DDAH1: variants seen among roughly 807,000 people sequenced by gnomAD.
DDAH1 encodes the protein dimethylarginine dimethylaminohydrolase 1.
A neutral mutation model predicts 28.8 loss-of-function variants in DDAH1; 19 were observed. The observed-to-expected ratio is 0.66, with a 90% CI of 0.46 to 0.97. The LOEUF (loss-of-function observed/expected upper bound fraction) is 0.97, where lower values mean the gene tolerates loss of function less well. Among genes scored for constraint, DDAH1 ranks in the 50% least tolerant of loss-of-function variants. The pLI is 0.00. For missense variants in DDAH1, 326 were observed against 375.9 expected (o/e 0.87, Z 1.10); for synonymous variants, 153 against 154.4 (o/e 0.99, Z 0.07).
chr1:85,384,719 T>A (rs1253697207), intron 1 of DDAH1, among the ~76,000 whole-genome samples: 1 of 152,224 alleles, frequency 6.6e-6, no homozygotes, highest in East Asian at 1.9e-4. Context: ...TAATGTCCCA[T>A]AACTCAAATG....
At chr1:85,527,497 G>C (rs1173188345) in intron 1 of DDAH1, among the ~76,000 whole-genome samples, 1 of 152,206 alleles carries the variant, frequency 6.6e-6, no homozygotes, top group African/African-American at 2.4e-5. Flanking sequence ...TGTTAGGCAA[G>C]ACTGGTTCAG....
chr1:85,559,873 CT>C (rs1557761384), intron 1 of DDAH1, among the ~76,000 whole-genome samples: 1 of 151,290 alleles, frequency 6.6e-6, no homozygotes, highest in East Asian at 1.9e-4. Flanking sequence ...CACATGCAAA[CT>C]TGTCCACATG....
chr1:85,571,948 C>A (rs1242057223), intron 1 of DDAH1, among the ~76,000 whole-genome samples: 1 of 152,174 alleles, frequency 6.6e-6, no homozygotes, highest in Non-Finnish European at 1.5e-5. Context: ...CTCAGGGACA[C>A]CTTGCGTAAG....
chr1:85,465,283 G>C, upstream of DDAH1: 1 of 999,470 alleles, frequency 1.0e-6, no homozygotes, highest in South Asian at 4.9e-5. Flanking sequence ...TCTCGCGCCA[G>C]CCCAGGCGGG....
intron 1 of DDAH1, among the ~76,000 whole-genome samples, chr1:85,517,605 G>A (rs1161713257): frequency 6.6e-6 from 1 of 152,030 alleles, no homozygotes; most frequent in African/African-American, 2.4e-5. Context: ...TAAAGCAAAG[G>A]AAGTCCTTTC....
At chr1:85,331,047 T>C (rs1183926978) in intron 4 of DDAH1, among the ~76,000 whole-genome samples, 1 of 152,194 alleles carries the variant, frequency 6.6e-6, no homozygotes, top group African/African-American at 2.4e-5. Context: ...CAGCTGCTGG[T>C]TGGAGGAATT....
chr1:85,435,578 G>A (rs1204220536), intron 1 of DDAH1, among the ~76,000 whole-genome samples: 16 of 152,154 alleles, frequency 1.1e-4, no homozygotes, highest in Admixed American at 9.2e-4. Flanking sequence ...TAAGTCCTAC[G>A]GAAAAGTAGT....
At chr1:85,458,826 A>T (rs1162983131) in intron 1 of DDAH1, among the ~76,000 whole-genome samples, 1 of 152,186 alleles carries the variant, frequency 6.6e-6, no homozygotes, top group Non-Finnish European at 1.5e-5. Context: ...GTTCTGTATA[A>T]GATATAAATG....
At chr1:85,376,756 T>C (rs1650692067) in intron 1 of DDAH1, 1 of 151,942 alleles carries the variant, frequency 6.6e-6, no homozygotes, top group South Asian at 2.1e-4. Context: ...TTTTTTTTTT[T>C]TTCCTGCAGC....
At chr1:85,480,290 A>AT (rs1374509581) in intron 2 of DDAH1, among the ~76,000 whole-genome samples, 1 of 152,182 alleles carries the variant, frequency 6.6e-6, no homozygotes, top group African/African-American at 2.4e-5. Flanking sequence ...ATTTTGTCAG[A>AT]TTCCTCTTAA....
chr1:85,368,901 T>C (rs779396495), intron 1 of DDAH1, among the ~76,000 whole-genome samples: 5 of 152,130 alleles, frequency 3.3e-5, no homozygotes, highest in African/African-American at 4.8e-5. Flanking sequence ...GATTAATGTA[T>C]GGGAAATATT....
At chr1:85,475,987 G>T (rs1655789688) in intron 2 of DDAH1, among the ~76,000 whole-genome samples, 1 of 152,132 alleles carries the variant, frequency 6.6e-6, no homozygotes, top group Non-Finnish European at 1.5e-5. Context: ...GAGTAGCTGG[G>T]ACTAGAGGTG....
At chr1:85,443,837 A>G (rs893902129) in intron 1 of DDAH1, among the ~76,000 whole-genome samples, 26 of 152,280 alleles carry the variant, frequency 1.7e-4, no homozygotes, top group African/African-American at 6.3e-4. Context: ...GTGTATAAGA[A>G]TGCTTGTGAT....
At chr1:85,507,527 T>TAAATAAATAAATTAATAAACAAAC (rs71075841) in intron 1 of DDAH1, among the ~76,000 whole-genome samples, 171 of 149,362 alleles carry the variant, frequency 1.1e-3, no homozygotes, top group East Asian at 9.0e-3. Context: ...AATAAATAAA[T>TAAATAAATAAATTAATAAACAAAC]AAACAAACAA....
chr1:85,364,569 CAG>C (rs1649964058), intron 1 of DDAH1, among the ~76,000 whole-genome samples: 1 of 150,454 alleles, frequency 6.6e-6, no homozygotes, highest in South Asian at 2.1e-4. Flanking sequence ...TTTTTTGAGA[CAG>C]AGTTTCACTC....
At chr1:85,523,888 A>G (rs1657772843) in intron 1 of DDAH1, among the ~76,000 whole-genome samples, 1 of 152,196 alleles carries the variant, frequency 6.6e-6, no homozygotes, top group South Asian at 2.1e-4. Context: ...AACTCTATGA[A>G]CACAAAGGCT....
intron 1 of DDAH1, among the ~76,000 whole-genome samples, chr1:85,451,867 A>T (rs1654683472): frequency 2.0e-5 from 3 of 152,198 alleles, no homozygotes; most frequent in Admixed American, 2.0e-4. Flanking sequence ...TCATATGGCC[A>T]TTTTAATAAG....
chr1:85,519,752 A>C (rs1231708408), intron 1 of DDAH1, among the ~76,000 whole-genome samples: 1 of 152,176 alleles, frequency 6.6e-6, no homozygotes, highest in African/African-American at 2.4e-5. Flanking sequence ...CATATGTGTA[A>C]AGATATTACT....
At chr1:85,427,395 T>TCTAA (rs1204621723) in intron 1 of DDAH1, among the ~76,000 whole-genome samples, 1 of 152,188 alleles carries the variant, frequency 6.6e-6, no homozygotes, top group South Asian at 2.1e-4. Context: ...ACATCAGATC[T>TCTAA]CTAACTGTCA....
Sources: allele counts gnomAD v4.1 joint callset (sites outside exome capture counted in the v4.1 genomes callset), GRCh38; gene constraint gnomAD v4.1.1; transcripts MANE v1.5; gene names NCBI Gene and HGNC (gene_info 2026-07-23, HGNC 2026-07-21).